The following CARMIL1 variants were observed in gnomAD, a reference collection of about 807,000 sequenced individuals.
CARMIL1 encodes the protein capping protein regulator and myosin 1 linker 1.
In CARMIL1, 90 loss-of-function variants were observed where a neutral mutation model predicts 177.1. The ratio of observed to expected loss-of-function variants is 0.51; its 90% CI spans 0.43 to 0.61. The LOEUF is 0.61. Ranked by LOEUF, CARMIL1 falls within the 20% of genes least tolerant of loss-of-function variation. The pLI, the probability that CARMIL1 is intolerant of heterozygous loss-of-function variation, is 0.00. For synonymous variants in CARMIL1, 577 were observed against 606.2 expected, an observed-to-expected ratio of 0.95 and a Z score of 0.71; for missense variants, 1,380 against 1,667.0, an observed-to-expected ratio of 0.83 and a Z score of 3.00.
chr6:25,512,650 C>T (rs891909881), intron 20 of CARMIL1, among the ~76,000 whole-genome samples: 2 of 151,918 alleles, frequency 1.3e-5, no homozygotes, highest in African/African-American at 4.8e-5. Flanking sequence ...GTTCTTTGAC[C>T]AGCCTATGGA....
chr6:25,285,292 TGTTG>T (rs1781442410), intron 2 of CARMIL1, among the ~76,000 whole-genome samples: 1 of 152,212 alleles, frequency 6.6e-6, no homozygotes, highest in South Asian at 2.1e-4. Flanking sequence ...GTTCATCTCA[TGTTG>T]GTTTAATTAC....
intron 23 of CARMIL1, among the ~76,000 whole-genome samples, chr6:25,521,578 G>A (rs1806560970): frequency 6.6e-6 from 1 of 152,042 alleles, no homozygotes; most frequent in Non-Finnish European, 1.5e-5. Flanking sequence ...GACCATCCTG[G>A]CTAACACGGT....
At chr6:25,409,423 A>G (rs1242066762) in intron 2 of CARMIL1, among the ~76,000 whole-genome samples, 1 of 152,188 alleles carries the variant, frequency 6.6e-6, no homozygotes, top group Non-Finnish European at 1.5e-5. Flanking sequence ...CTAGTACTTA[A>G]ACTAGGATAC....
rs1796281737 is a variant in CARMIL1, at chr6:25,426,431, C to T, written c.190-70C>T. The T allele has an allele frequency of 1.8e-5, 18 of 1,021,864 alleles. No individual in the cohort carries two copies. In the Admixed American group the frequency reaches 2.6e-4, roughly 15 times the overall value. The allele number at this position is 1,021,864 out of a possible 1,614,324, so 63.3% of individuals were successfully genotyped here. A position where few individuals can be genotyped will look rare whatever the true frequency, so the allele number is the denominator to read the frequency against. ...TGTAGGATTTTTTTTTTTTTTTTTA[C>T]CTTAAGTTATATGTTTTTTTAAAAC... On this transcript the variant is annotated intron_variant, in intron 3 of 36. Transcript: ENST00000329474.
At chr6:25,500,830 C>T (rs866726479) in intron 17 of CARMIL1, among the ~76,000 whole-genome samples, 6 of 151,516 alleles carry the variant, frequency 4.0e-5, no homozygotes, top group African/African-American at 1.2e-4. Flanking sequence ...TACAGTGGCA[C>T]GATTTTGGCC....
At chr6:25,426,464 G>A (rs1796286481) in intron 3 of CARMIL1, 37 bp from the exon 4 acceptor site, 8 of 1,459,610 alleles carry the variant, frequency 5.5e-6, no homozygotes, top group African/African-American at 1.4e-5. Flanking sequence ...AACCCTCATT[G>A]CAGGTCTTTT....
intron 5 of CARMIL1, among the ~76,000 whole-genome samples, chr6:25,439,252 A>G (rs542898669): frequency 2.6e-5 from 4 of 152,300 alleles, no homozygotes; most frequent in Admixed American, 2.6e-4. Flanking sequence ...TCTAGGACCT[A>G]CAAGACCTCC....
Position 25,482,359 on chromosome 6 carries a change from T to C in CARMIL1, c.961+16T>C, listed in dbSNP as rs181291514. ...TCACCTAAAGGTACAGTATTTCTTA[T>C]TTACCTAAGAGTGTGTCTGAAATAT... On this transcript the variant is annotated intron_variant, in intron 12 of 36. Coordinates refer to ENST00000329474, the MANE Select transcript of CARMIL1 (RefSeq NM_017640.6). 1.4e-3 allele frequency: 1,785 copies of C among 1,286,698 alleles called. 16 individuals carry two copies. In the African/African-American group the frequency reaches 0.018, roughly 13 times the overall value. 79.7% of individuals were successfully genotyped at this position (1,286,698 alleles called of 1,614,324 possible).
intron 2 of CARMIL1, among the ~76,000 whole-genome samples, chr6:25,393,713 T>A (rs1156887940): frequency 6.7e-6 from 1 of 149,706 alleles, no homozygotes; most frequent in Non-Finnish European, 1.5e-5. Flanking sequence ...CTCTACAATT[T>A]TTTTTTTTTT....
chr6:25,504,159 G>C (rs1192985802), intron 17 of CARMIL1, among the ~76,000 whole-genome samples: 1 of 152,116 alleles, frequency 6.6e-6, no homozygotes, highest in Non-Finnish European at 1.5e-5. Context: ...AATAAATCCA[G>C]TGATTGATTT....
intron 11 of CARMIL1, among the ~76,000 whole-genome samples, chr6:25,480,729 C>CTTTTTTTTTT (rs1309021528): frequency 8.9e-6 from 1 of 112,748 alleles, no homozygotes; most frequent in Non-Finnish European, 1.8e-5. Context: ...TATTTGTTTC[C>CTTTTTTTTTT]TTTTTTTTTT....
rs552085138 is a variant in CARMIL1 at position 25,396,420 on chromosome 6, G to A, written c.139-23694G>A. 1.1e-3 allele frequency among the ~76,000 whole-genome samples: 158 copies of A among 149,772 alleles called. 1 individual carries two copies. Among genetic ancestry groups the A allele is most frequent in the African/African-American group, 3.6e-3 (147 of 40,468 alleles). On this transcript the variant is annotated intron_variant, in intron 2 of 36. Coordinates refer to ENST00000329474, the MANE Select transcript of CARMIL1 (RefSeq NM_017640.6). Reference sequence around the variant, plus strand: ...CTTGTCACCCAGGCTGGAGTGCAGTGGCATGATCTCGGCTCACTGCAACCT... The same window carrying A: ...CTTGTCACCCAGGCTGGAGTGCAGTAGCATGATCTCGGCTCACTGCAACCT...
chr6:25,464,274 C>T (rs1388192189), intron 8 of CARMIL1, among the ~76,000 whole-genome samples: 1 of 151,656 alleles, frequency 6.6e-6, no homozygotes, highest in Non-Finnish European at 1.5e-5. Context: ...TCTGTGGGCA[C>T]TCATCTCATC....
intron 2 of CARMIL1, among the ~76,000 whole-genome samples, chr6:25,385,604 A>G (rs1330656492): frequency 3.3e-5 from 5 of 152,194 alleles, no homozygotes; most frequent in African/African-American, 9.6e-5. Flanking sequence ...CTTTTTTGGG[A>G]TAAATAGATA....
At chr6:25,333,531 G>T (rs145276449) in intron 2 of CARMIL1, among the ~76,000 whole-genome samples, 2 of 152,204 alleles carry the variant, frequency 1.3e-5, no homozygotes, top group African/African-American at 4.8e-5. Context: ...GTGCCACTGC[G>T]CTCCAGCCTG....
intron 2 of CARMIL1, among the ~76,000 whole-genome samples, chr6:25,380,034 C>T (rs1272690031): frequency 6.6e-6 from 1 of 150,422 alleles, no homozygotes; most frequent in Admixed American, 6.6e-5. Context: ...CATAGTAGAT[C>T]ATGGCATAAA....
intron 2 of CARMIL1, among the ~76,000 whole-genome samples, chr6:25,300,176 T>A (rs937266419): frequency 6.6e-6 from 1 of 152,170 alleles, no homozygotes; most frequent in African/African-American, 2.4e-5. Flanking sequence ...CATTGTTGAT[T>A]TATCTAAAAG....
At position 25,317,690 on chromosome 6, in the gene CARMIL1, A is replaced by G. The variant is rs188469780; in HGVS notation, c.138+32781A>G. On this transcript the variant is annotated intron_variant, in intron 2 of 36. Coordinates refer to ENST00000329474, the MANE Select transcript of CARMIL1 (RefSeq NM_017640.6). ...CAACCCCTACCTCATTCTCCTGACT[A>G]GGACTACAGGCACTCACCACCACAC... 3.4e-3 allele frequency among the ~76,000 whole-genome samples: 509 copies of G among 150,698 alleles called. 4 individuals are homozygous for G. Among genetic ancestry groups the G allele is most frequent in the Non-Finnish European group, 4.4e-3 (299 of 67,798 alleles).
chr6:25,371,371 A>C (rs923318161), intron 2 of CARMIL1, among the ~76,000 whole-genome samples: 16 of 152,196 alleles, frequency 1.1e-4, no homozygotes, highest in African/African-American at 3.9e-4. Flanking sequence ...CATTCCCACC[A>C]GCAGTGTATA....
Sources: gnomAD v4.1 joint callset for allele counts (sites outside exome capture counted in the v4.1 genomes callset) on GRCh38, gnomAD v4.1.1 for gene constraint, MANE v1.5 for transcripts, NCBI Gene and HGNC (gene_info 2026-07-23, HGNC 2026-07-21) for gene names.